FGF12: variants seen among roughly 807,000 people sequenced by gnomAD.
FGF12 encodes fibroblast growth factor 12B.
A neutral mutation model predicts 23.6 loss-of-function variants in FGF12; 14 were observed. The ratio of observed to expected loss-of-function variants is 0.59; its 90% CI spans 0.39 to 0.93. The LOEUF (loss-of-function observed/expected upper bound fraction) is 0.93, where lower values mean the gene tolerates loss of function less well. Ranked by LOEUF, FGF12 falls within the 40% of genes least tolerant of loss-of-function variation. The pLI, the probability that FGF12 is intolerant of heterozygous loss-of-function variation, is 0.00. For missense variants in FGF12, 175 were observed against 217.8 expected, an observed-to-expected ratio of 0.80 and a Z score of 1.24; for synonymous variants, 62 against 77.3, an observed-to-expected ratio of 0.80 and a Z score of 1.04.
intron 2 of FGF12, among the ~76,000 whole-genome samples, chr3:192,608,387 T>C (rs554464420): frequency 2.6e-5 from 4 of 152,282 alleles, no homozygotes; most frequent in African/African-American, 9.6e-5. Context: ...ATGCATTGCA[T>C]GCCTGTATCA....
chr3:192,146,288 T>TTTTTTTTTTTA (rs1713706624), intron 5 of FGF12, among the ~76,000 whole-genome samples: 2 of 147,386 alleles, frequency 1.4e-5, no homozygotes, highest in African/African-American at 5.1e-5. Flanking sequence ...TTTTTTTTTT[T>TTTTTTTTTTTA]GAGACGGAGT....
At chr3:192,500,190 G>A (rs1387762920) in intron 2 of FGF12, among the ~76,000 whole-genome samples, 3 of 152,176 alleles carry the variant, frequency 2.0e-5, no homozygotes, top group African/African-American at 7.2e-5. Flanking sequence ...CAGATCTGAA[G>A]TCACTGGACA....
intron 2 of FGF12, among the ~76,000 whole-genome samples, chr3:192,722,114 A>T (rs1390013980): frequency 6.6e-6 from 1 of 152,202 alleles, no homozygotes; most frequent in African/African-American, 2.4e-5. Flanking sequence ...TCGGTATTTT[A>T]AATTAAATGA....
chr3:192,658,275 T>C (rs921841906), intron 2 of FGF12, among the ~76,000 whole-genome samples: 17 of 152,234 alleles, frequency 1.1e-4, no homozygotes, highest in African/African-American at 4.1e-4. Context: ...GGCTGAAAGC[T>C]GATACTGAAC....
At position 192,145,687 on chromosome 3, in the gene FGF12, G is replaced by A. The variant is rs552088802; in HGVS notation, c.428-1560C>T. On this transcript the variant is annotated intron_variant, in intron 5 of 5. Coordinates refer to ENST00000445105, the MANE Select transcript of FGF12 (RefSeq NM_004113.6). ...GAGATTTAAAAATATTTCAATTACT[G>A]CACGGATGGCTCTTCCAACATCCCC... 1.0e-3 allele frequency among the ~76,000 whole-genome samples: 157 copies of A among 152,288 alleles called. 1 individual carries two copies. Among genetic ancestry groups the A allele is most frequent in the African/African-American group, 3.8e-3 (156 of 41,566 alleles).
intron 4 of FGF12, among the ~76,000 whole-genome samples, chr3:192,182,569 G>A (rs1232993311): frequency 6.6e-6 from 1 of 152,118 alleles, no homozygotes; most frequent in Non-Finnish European, 1.5e-5. Flanking sequence ...TGGACTCGTT[G>A]AGTATAGGAG....
At chr3:192,286,986 T>TA (rs1165523895) in intron 4 of FGF12, among the ~76,000 whole-genome samples, 1 of 151,972 alleles carries the variant, frequency 6.6e-6, no homozygotes, top group African/African-American at 2.4e-5. Context: ...TACAAACTTA[T>TA]AAAAAAGCCA....
intron 2 of FGF12, among the ~76,000 whole-genome samples, chr3:192,694,312 G>A (rs977199775): frequency 1.3e-5 from 2 of 152,118 alleles, no homozygotes; most frequent in South Asian, 2.1e-4. Flanking sequence ...AATTGGTGTA[G>A]CTATTATGAC....
At chr3:192,504,916 G>A (rs1390327140) in intron 2 of FGF12, among the ~76,000 whole-genome samples, 1 of 152,074 alleles carries the variant, frequency 6.6e-6, no homozygotes, top group Admixed American at 6.6e-5. Context: ...TGTTTGACAA[G>A]TTTCTGTATT....
chr3:192,696,676 C>T (rs918862452), intron 2 of FGF12, among the ~76,000 whole-genome samples: 7 of 151,910 alleles, frequency 4.6e-5, no homozygotes, highest in African/African-American at 1.2e-4. Flanking sequence ...ATTTCCTTAC[C>T]GTAATCAGAA....
intron 2 of FGF12, among the ~76,000 whole-genome samples, chr3:192,441,718 GA>G (rs557625686): frequency 2.1e-3 from 323 of 152,220 alleles, no homozygotes; most frequent in African/African-American, 7.3e-3. Flanking sequence ...TCCACTTTAG[GA>G]AACACAATTG....
chr3:192,707,483 C>T (rs1245654023), intron 2 of FGF12, among the ~76,000 whole-genome samples: 2 of 152,138 alleles, frequency 1.3e-5, no homozygotes, highest in African/African-American at 2.4e-5. Flanking sequence ...TGCGGTGGCT[C>T]ACGCCTGTAA....
intron 4 of FGF12, among the ~76,000 whole-genome samples, chr3:192,191,476 A>T (rs1396920320): frequency 2.0e-5 from 3 of 152,190 alleles, no homozygotes; most frequent in African/African-American, 7.2e-5. Context: ...TGTGTGTTTC[A>T]GGGAGTATAT....
intron 2 of FGF12, among the ~76,000 whole-genome samples, chr3:192,406,398 A>G (rs1720959642): frequency 6.6e-6 from 1 of 152,068 alleles, no homozygotes; most frequent in African/African-American, 2.4e-5. Context: ...AGAGATTGAG[A>G]TATAAAAGTC....
At chr3:192,362,534 C>A (rs1170927012) in intron 2 of FGF12, among the ~76,000 whole-genome samples, 1 of 152,094 alleles carries the variant, frequency 6.6e-6, no homozygotes, top group Non-Finnish European at 1.5e-5. Context: ...GTGCCTCTGC[C>A]TTTGGCTACC....
chr3:192,209,880 T>C (rs1258395188), intron 4 of FGF12, among the ~76,000 whole-genome samples: 1 of 152,164 alleles, frequency 6.6e-6, no homozygotes, highest in Non-Finnish European at 1.5e-5. Context: ...TATTGATAAC[T>C]TGCAGGTTCT....
intron 2 of FGF12, among the ~76,000 whole-genome samples, chr3:192,526,993 AT>A (rs1724960415): frequency 6.6e-6 from 1 of 152,216 alleles, no homozygotes; most frequent in African/African-American, 2.4e-5. Flanking sequence ...GAACCCTTAA[AT>A]TGATGCTGAC....
intron 2 of FGF12, among the ~76,000 whole-genome samples, chr3:192,660,481 G>C (rs1287692745): frequency 2.1e-4 from 31 of 151,010 alleles, no homozygotes; most frequent in African/African-American, 7.6e-4. Context: ...TGCACGTTGT[G>C]CACATGTACC....
intron 2 of FGF12, among the ~76,000 whole-genome samples, chr3:192,644,263 T>C (rs1715915030): frequency 6.6e-6 from 1 of 152,174 alleles, no homozygotes; most frequent in South Asian, 2.1e-4. Context: ...AGTCTGAACA[T>C]ACCTTTGGAG....
Sources: gnomAD v4.1 joint callset for allele counts (sites outside exome capture counted in the v4.1 genomes callset) on GRCh38, gnomAD v4.1.1 for gene constraint, MANE v1.5 for transcripts, NCBI Gene and HGNC (gene_info 2026-07-23, HGNC 2026-07-21) for gene names.